The following ZNF587 variants were observed in gnomAD, a reference collection of about 807,000 sequenced individuals.
ZNF587 encodes the protein zinc finger protein 587.
Under a neutral mutation model 7.5 loss-of-function variants are expected in ZNF587, and 8 were observed. That is an observed-to-expected ratio of 1.06 (90% confidence interval 0.62 to 1.92). The LOEUF (loss-of-function observed/expected upper bound fraction) is 1.92. ZNF587 is among the 40% of genes most tolerant of loss of function. The probability of loss-of-function intolerance (pLI) is 0.00; values close to 1 mark genes in which losing one functional copy is unlikely to be tolerated. For missense variants in ZNF587, 468 were observed against 692.8 expected (o/e 0.68, Z 3.64); for synonymous variants, 145 against 237.8 (o/e 0.61, Z 3.59).
Position 57,860,911 on chromosome 19 carries a change from T to G in ZNF587, c.*771T>G, listed in dbSNP as rs192417026. 6.6e-6 allele frequency: 1 copy of G among 152,110 alleles called. No homozygotes were observed. Among genetic ancestry groups the G allele is most frequent in the African/African-American group, 2.4e-5 (1 of 41,492 alleles). 9.4% of individuals were successfully genotyped at this position (152,110 alleles called of 1,614,324 possible). A position where few individuals can be genotyped will look rare whatever the true frequency, so the allele number is the denominator to read the frequency against. ...CTCACTCTGTCACCCAGGCGGGAGT[T>G]AGGTGGCATGATTTCGGCTCACTGC... On this transcript the variant is annotated 3_prime_UTR_variant, in exon 3 of 3. Coordinates refer to ENST00000339656, the MANE Select transcript of ZNF587 (RefSeq NM_032828.4).
At position 57,852,801 on chromosome 19, in the gene ZNF587, T is replaced by A. The variant is rs190183224; in HGVS notation, c.33+2730T>A. ...TCTCGGCCTCCCAAAGTGCTGGGATTATAGGCATGGACCAATGCGCCCAGC... is the reference window on the plus strand; with the variant it reads ...TCTCGGCCTCCCAAAGTGCTGGGATAATAGGCATGGACCAATGCGCCCAGC... On this transcript the variant is annotated intron_variant, in intron 1 of 2. Transcript: ENST00000339656. 3.3e-4 allele frequency among the ~76,000 whole-genome samples: 49 copies of A among 149,636 alleles called. 1 individual carries two copies. The East Asian group carries it at 6.6e-3, about 20-fold the overall frequency.
At chr19:57,853,499 CA>C (rs2071309526) in intron 1 of ZNF587, among the ~76,000 whole-genome samples, 1 of 152,240 alleles carries the variant, frequency 6.6e-6, no homozygotes, top group African/African-American at 2.4e-5. Context: ...TAAATCTTTT[CA>C]GGGGGCAGAA....
intron 1 of ZNF587, 117 bp downstream of exon 1, chr19:57,850,188 A>G: frequency 6.3e-7 from 1 of 1,583,350 alleles, no homozygotes; most frequent in Non-Finnish European, 8.6e-7. Flanking sequence ...AGGAACACTG[A>G]GGCGCTCACA....
intron 1 of ZNF587, 84 bp downstream of exon 1, chr19:57,850,155 G>C (rs543643126): frequency 6.2e-7 from 1 of 1,612,442 alleles, no homozygotes; most frequent in South Asian, 1.1e-5. Context: ...CCTGCTCGTG[G>C]GTCTGTAGCC....
chr19:57,850,533 G>A (rs2071268673), intron 1 of ZNF587: 2 of 459,312 alleles, frequency 4.4e-6, no homozygotes, highest in Middle Eastern at 5.6e-4. Context: ...CGGTCTGTGT[G>A]TTGTCCGCTG....
intron 1 of ZNF587, among the ~76,000 whole-genome samples, chr19:57,852,719 G>C (rs1191793393): frequency 6.6e-6 from 1 of 151,574 alleles, no homozygotes; most frequent in Non-Finnish European, 1.5e-5. Flanking sequence ...GTAGAGACGA[G>C]GTTTTACCAT....
In ZNF587 at chr19:57,860,060, T is replaced by G. The variant is rs1415230144; in HGVS notation, c.1648T>G (p.Cys550Gly). The change falls in exon 3 of 3, where the codon TGC becomes GGC. Residue 550 changes from cysteine to glycine, a missense_variant. Physicochemically the swap from Cys to Gly is radical, Grantham distance 159. Around this residue, in one of 5 missense-constraint regions of ZNF587, gnomAD observed 310 missense variants for 325.6 expected, o/e 0.95. Transcript: ENST00000339656. The stretch of plus-strand genomic sequence containing the variant: ...TCACACTGGAGAAAGGCCTTATGAA[T>G]GCACCAAATGTGGAAAAACATTTCA... ...RIHTGERPYECTKCGKTFQRS... is the reference protein window; with the variant it reads ...RIHTGERPYEGTKCGKTFQRS... The G allele has an allele frequency of 2.5e-6, 4 of 1,613,408 alleles. No homozygotes were observed. Among genetic ancestry groups the G allele is most frequent in the Admixed American group, 1.7e-5 (1 of 59,974 alleles).
rs1186919733 is a variant in ZNF587 at position 57,863,443 on chromosome 19, G to A, written c.*3303G>A. On this transcript the variant is annotated 3_prime_UTR_variant, in exon 3 of 3. Coordinates refer to ENST00000339656, the MANE Select transcript of ZNF587 (RefSeq NM_032828.4). ...TATTCTTTTCTTTAGTAGAGACGGG[G>A]TTTTACTGTATTTGCCAGGATGGTC... is the stretch of plus-strand genomic sequence containing the variant. 6.6e-6 allele frequency: 1 copy of A among 152,110 alleles called. No homozygotes were observed. The highest frequency in any genetic ancestry group is 1.5e-5 in the Non-Finnish European group (1 of 68,106). The allele number at this position is 152,110 out of a possible 1,614,324, so 9.4% of individuals were successfully genotyped here.
At position 57,854,835 on chromosome 19, in the gene ZNF587, A is replaced by G. The variant is rs191721540; in HGVS notation, c.34-1269A>G. On this transcript the variant is annotated intron_variant, in intron 1 of 2. Coordinates refer to ENST00000339656, the MANE Select transcript of ZNF587 (RefSeq NM_032828.4). ...GCTGGTGGATCACTTGAGACCAGAA[A>G]TTCAAGACCAGCCTGGCCAACATGG... Among the ~76,000 whole-genome samples, 29 of 151,934 alleles carry G rather than the reference A, an allele frequency of 1.9e-4. 1 individual carries two copies. Among genetic ancestry groups the G allele is most frequent in the Admixed American group, 1.8e-3 (28 of 15,242 alleles).
rs2071418932 is a variant in ZNF587 at position 57,860,338 on chromosome 19, G to A, written c.*198G>A. On this transcript the variant is annotated 3_prime_UTR_variant, in exon 3 of 3. Transcript: ENST00000339656. ...GGCTGGAGTGCAGTGGTGCAGTCTT[G>A]GCTCGCTGCAACTTGGGCCTCCTGG... The A allele has an allele frequency of 9.6e-7, 1 of 1,043,108 alleles. No homozygotes were observed. The highest frequency in any genetic ancestry group is 2.7e-5 in the Admixed American group (1 of 36,818). The allele number at this position is 1,043,108 out of a possible 1,614,324, so 64.6% of individuals were successfully genotyped here.
intron 1 of ZNF587, 84 bp from the exon 2 acceptor site, chr19:57,856,020 T>C (rs951488524): frequency 2.6e-6 from 4 of 1,568,526 alleles, no homozygotes; most frequent in Non-Finnish European, 3.4e-6. Flanking sequence ...GGGAGGAGGA[T>C]GGGCAAGGGT....
Position 57,860,056 on chromosome 19 carries a change from T to G in ZNF587, c.1644T>G (p.Tyr548Ter). 6.2e-7 allele frequency: 1 copy of G among 1,613,500 alleles called. No homozygotes were observed. The highest frequency in any genetic ancestry group is 2.2e-5 in the East Asian group (1 of 44,874). The change falls in exon 3 of 3, where the codon TAT (tyrosine) becomes TAG (stop). Residue 548 changes from tyrosine (Y) to a stop codon, truncating the protein, a stop_gained. Coordinates refer to ENST00000339656, the MANE Select transcript of ZNF587 (RefSeq NM_032828.4). LOFTEE classifies it low-confidence loss of function (END_TRUNC). ...HRRIHTGERPYECTKCGKTFQ... is the reference protein window; with the variant it reads ...HRRIHTGERP The stretch of plus-strand genomic sequence containing the variant: ...GAATTCACACTGGAGAAAGGCCTTA[T>G]GAATGCACCAAATGTGGAAAAACAT...
chr19:57,851,458 A>C (rs937514763), intron 1 of ZNF587: 3 of 152,232 alleles, frequency 2.0e-5, no homozygotes, highest in African/African-American at 7.2e-5. Flanking sequence ...GGAGTCGGTT[A>C]GGTCTGATTT....
Position 57,864,483 on chromosome 19 carries a change from C to T in ZNF587, c.*4343C>T, listed in dbSNP as rs915686676. On this transcript the variant is annotated 3_prime_UTR_variant, in exon 3 of 3. Coordinates refer to ENST00000339656, the MANE Select transcript of ZNF587 (RefSeq NM_032828.4). ...GATGTATAGGCACCTAAAGGCATGG[C>T]ACTTGAGAAATGTGAATAAGATTGT... 7 of 151,950 alleles carry T rather than the reference C, an allele frequency of 4.6e-5. No individual in the cohort carries two copies. Among genetic ancestry groups the T allele is most frequent in the African/African-American group, 1.7e-4 (7 of 41,364 alleles). The allele number at this position is 151,950 out of a possible 1,614,324, so 9.4% of individuals were successfully genotyped here. A position where few individuals can be genotyped will look rare whatever the true frequency, so the allele number is the denominator to read the frequency against.
Position 57,862,371 on chromosome 19 carries a change from C to G in ZNF587, c.*2231C>G, listed in dbSNP as rs1337079951. ...CTCCAATTATCTCAGAGCTCTGAGTCCTCTACTCAATACCCATTGAGATTT... is the reference window on the plus strand; with the variant it reads ...CTCCAATTATCTCAGAGCTCTGAGTGCTCTACTCAATACCCATTGAGATTT... On this transcript the variant is annotated 3_prime_UTR_variant, in exon 3 of 3. Transcript: ENST00000339656. 1 of 152,172 alleles carries G rather than the reference C, an allele frequency of 6.6e-6. No individual in the cohort carries two copies. Among genetic ancestry groups the G allele is most frequent in the East Asian group, 1.9e-4 (1 of 5,188 alleles). The allele number at this position is 152,172 out of a possible 1,614,324, so 9.4% of individuals were successfully genotyped here.
chr19:57,852,108 C>G (rs984577792), intron 1 of ZNF587: 1 of 371,720 alleles, frequency 2.7e-6, no homozygotes. Context: ...TCTACAGGTT[C>G]TCTAGCTTGT....
intron 1 of ZNF587, chr19:57,850,540 G>A (rs896925410): frequency 1.8e-5 from 8 of 452,458 alleles, no homozygotes; most frequent in African/African-American, 8.0e-5. Context: ...TGTGTTGTCC[G>A]CTGATCCATC....
intron 1 of ZNF587, chr19:57,850,417 A>G (rs917575367): frequency 1.8e-6 from 1 of 557,930 alleles, no homozygotes; most frequent in South Asian, 2.6e-5. Context: ...GGAAGTGGGG[A>G]GTGCTGATCA....
At chr19:57,854,779 C>T (rs1323238640) in intron 1 of ZNF587, among the ~76,000 whole-genome samples, 7 of 151,882 alleles carry the variant, frequency 4.6e-5, no homozygotes. Flanking sequence ...GGTGGCTCAC[C>T]CCTATAATCT....
Sources: gnomAD v4.1 joint callset for allele counts (sites outside exome capture counted in the v4.1 genomes callset) on GRCh38, gnomAD v4.1.1 for gene constraint, gnomAD v4.1.1 regional missense constraint, MANE v1.5 for transcripts, NCBI Gene and HGNC (gene_info 2026-07-23, HGNC 2026-07-21) for gene names.